CCSER1: variants seen among roughly 807,000 people sequenced by gnomAD.
CCSER1 encodes the protein serine-rich coiled-coil domain-containing protein 1.
Under a neutral mutation model 82.0 loss-of-function variants are expected in CCSER1, and 41 were observed. That is an observed-to-expected ratio of 0.50 (90% CI 0.39 to 0.65). CCSER1 has a LOEUF of 0.65. Among genes scored for constraint, CCSER1 ranks in the 30% least tolerant of loss-of-function variants. The pLI is 0.00. For missense variants in CCSER1, 1,119 were observed against 1,064.2 expected (o/e 1.05, Z -0.72); for synonymous variants, 414 against 383.9 (o/e 1.08, Z -0.92).
intron 3 of CCSER1, among the ~76,000 whole-genome samples, chr4:90,361,549 A>G (rs1745376361): frequency 6.6e-6 from 1 of 152,184 alleles, no homozygotes. Context: ...AAAGTTTGTT[A>G]TATGCATATA....
chr4:90,296,454 C>A (rs1013635787), intron 1 of CCSER1, among the ~76,000 whole-genome samples: 1 of 152,112 alleles, frequency 6.6e-6, no homozygotes, highest in African/African-American at 2.4e-5. Context: ...CCGGTTCACT[C>A]TGATGGTGGC....
At chr4:90,385,309 GT>G (rs1306434508) in intron 3 of CCSER1, among the ~76,000 whole-genome samples, 5 of 150,152 alleles carry the variant, frequency 3.3e-5, no homozygotes, top group African/African-American at 1.2e-4. Flanking sequence ...TCTTCATACT[GT>G]TTTTCATACA....
chr4:91,466,760 T>A (rs1756936746), intron 10 of CCSER1, among the ~76,000 whole-genome samples: 1 of 152,028 alleles, frequency 6.6e-6, no homozygotes, highest in Admixed American at 6.6e-5. Context: ...CACAATTGCT[T>A]CAAAGAGAAT....
intron 10 of CCSER1, among the ~76,000 whole-genome samples, chr4:91,095,335 C>T (rs1724396940): frequency 6.6e-6 from 1 of 152,202 alleles, no homozygotes. Flanking sequence ...TTACACTGCA[C>T]ATGTGAGTGA....
intron 10 of CCSER1, among the ~76,000 whole-genome samples, chr4:91,089,259 G>T (rs1442364512): frequency 6.6e-6 from 1 of 152,218 alleles, no homozygotes; most frequent in Admixed American, 6.5e-5. Context: ...AGAAGCTTCA[G>T]AGTGTCCTTC....
intron 9 of CCSER1, among the ~76,000 whole-genome samples, chr4:91,085,508 A>G (rs1404320255): frequency 1.3e-5 from 2 of 152,120 alleles, no homozygotes; most frequent in African/African-American, 2.4e-5. Flanking sequence ...AAAATCCTGA[A>G]TATTTTATAG....
At chr4:91,495,644 C>T (rs1194913709) in intron 10 of CCSER1, among the ~76,000 whole-genome samples, 1 of 151,368 alleles carries the variant, frequency 6.6e-6, no homozygotes. Flanking sequence ...GTATCAATTT[C>T]ATAATTTTGG....
chr4:91,075,819 T>C (rs1012034100), intron 9 of CCSER1, among the ~76,000 whole-genome samples: 75 of 152,272 alleles, frequency 4.9e-4, no homozygotes, highest in African/African-American at 1.6e-3. Context: ...TCTTAGTTAG[T>C]TGGGGTGATA....
intron 10 of CCSER1, among the ~76,000 whole-genome samples, chr4:91,273,436 G>A (rs1742193845): frequency 6.6e-6 from 1 of 152,062 alleles, no homozygotes; most frequent in Non-Finnish European, 1.5e-5. Context: ...AAGATCTACT[G>A]ATTTGTGTGC....
At chr4:91,567,718 C>A (rs1388245004) in intron 10 of CCSER1, among the ~76,000 whole-genome samples, 1 of 151,768 alleles carries the variant, frequency 6.6e-6, no homozygotes, top group South Asian at 2.1e-4. Flanking sequence ...TTCTATTTTC[C>A]ATTTTCTTTA....
At chr4:91,156,741 T>G (rs1214497688) in intron 10 of CCSER1, among the ~76,000 whole-genome samples, 1 of 151,864 alleles carries the variant, frequency 6.6e-6, no homozygotes, top group Non-Finnish European at 1.5e-5. Context: ...TTCTGTCTTC[T>G]CTCCTTTTAA....
intron 4 of CCSER1, among the ~76,000 whole-genome samples, chr4:90,432,947 A>G (rs28529447): frequency 3.0e-3 from 455 of 152,126 alleles, no homozygotes; most frequent in African/African-American, 0.011. Context: ...CACGTTTGGT[A>G]TGTTTTAAAG....
At chr4:90,395,662 C>CT (rs763580259) in intron 3 of CCSER1, among the ~76,000 whole-genome samples, 6,855 of 140,794 alleles carry the variant, frequency 0.049, 169 homozygotes, top group African/African-American at 0.065. Flanking sequence ...GCTCTTATGT[C>CT]TTTTTTTTTT....
intron 10 of CCSER1, among the ~76,000 whole-genome samples, chr4:91,122,291 A>G (rs1727153809): frequency 6.6e-6 from 1 of 151,816 alleles, no homozygotes; most frequent in East Asian, 1.9e-4. Context: ...TCGTAGATAC[A>G]GAAATAATTC....
chr4:90,981,973 T>G (rs1032422246), intron 9 of CCSER1, among the ~76,000 whole-genome samples: 1 of 151,860 alleles, frequency 6.6e-6, no homozygotes, highest in Non-Finnish European at 1.5e-5. Flanking sequence ...TAATCTCGAA[T>G]TCTTCCTGCT....
rs78098638 is a variant in CCSER1, at chr4:91,512,074, T to C, written c.2218-86498T>C. 4.6e-5 allele frequency among the ~76,000 whole-genome samples: 7 copies of C among 152,306 alleles called. No homozygotes were observed. In the East Asian group the frequency reaches 1.2e-3, roughly 25 times the overall value. ...GTTAACTATCTGCGATGGTTCACAC[T>C]TTTGGTGATGTTTTGTAGTTCTCCT... is the stretch of plus-strand genomic sequence containing the variant. On this transcript the variant is annotated intron_variant, in intron 10 of 10. Transcript: ENST00000509176.
chr4:90,514,754 C>T (rs1322564697), intron 5 of CCSER1, among the ~76,000 whole-genome samples: 1 of 146,912 alleles, frequency 6.8e-6, no homozygotes, highest in South Asian at 2.2e-4. Flanking sequence ...GACGCCGTTG[C>T]AAAAATAAAA....
At chr4:91,365,259 C>T (rs1035914615) in intron 10 of CCSER1, among the ~76,000 whole-genome samples, 1 of 152,118 alleles carries the variant, frequency 6.6e-6, no homozygotes, top group Non-Finnish European at 1.5e-5. Context: ...TACATCCATG[C>T]GTGCATCATA....
intron 1 of CCSER1, among the ~76,000 whole-genome samples, chr4:90,219,381 A>T (rs1446144046): frequency 6.6e-6 from 1 of 152,164 alleles, no homozygotes; most frequent in Non-Finnish European, 1.5e-5. Context: ...TAGAATGGAC[A>T]TCCAATTGTA....
Sources: allele counts gnomAD v4.1 joint callset (sites outside exome capture counted in the v4.1 genomes callset), GRCh38; gene constraint gnomAD v4.1.1; transcripts MANE v1.5; gene names NCBI Gene and HGNC (gene_info 2026-07-23, HGNC 2026-07-21).